Variants in SCFD1 observed in about 807,000 individuals in gnomAD.
The protein encoded by SCFD1 is sec1 family domain-containing protein 1.
In SCFD1, 37 loss-of-function variants were observed where a neutral mutation model predicts 103.2. The observed-to-expected ratio is 0.36, with a 90% CI of 0.28 to 0.47. SCFD1 has a LOEUF of 0.47. Among genes scored for constraint, SCFD1 ranks in the 20% least tolerant of loss-of-function variants. The pLI, the probability that SCFD1 is intolerant of heterozygous loss-of-function variation, is 1.00. For synonymous variants in SCFD1, 264 were observed against 245.0 expected, an observed-to-expected ratio of 1.08 and a Z score of -0.73; for missense variants, 639 against 761.2, an observed-to-expected ratio of 0.84 and a Z score of 1.89.
intron 10 of SCFD1, among the ~76,000 whole-genome samples, chr14:30,661,382 G>A (rs929109206): frequency 2.6e-5 from 4 of 152,128 alleles, no homozygotes; most frequent in Non-Finnish European, 5.9e-5. Context: ...CACCATGACT[G>A]GGAGTTTTGT....
At chr14:30,692,223 C>T (rs1890365862) in intron 14 of SCFD1, among the ~76,000 whole-genome samples, 1 of 152,116 alleles carries the variant, frequency 6.6e-6, no homozygotes, top group Non-Finnish European at 1.5e-5. Flanking sequence ...TTTCGAAATT[C>T]AGCAAATGCA....
intron 20 of SCFD1, 81 bp from the exon 21 acceptor site, chr14:30,719,244 T>C: frequency 3.6e-6 from 3 of 838,664 alleles, no homozygotes; most frequent in Non-Finnish European, 5.9e-6. Flanking sequence ...GATAGATTCA[T>C]TAAAATAGGA....
intron 23 of SCFD1, among the ~76,000 whole-genome samples, chr14:30,725,956 T>C (rs1424085866): frequency 6.6e-6 from 1 of 152,154 alleles, no homozygotes; most frequent in African/African-American, 2.4e-5. Context: ...TCATCACTAG[T>C]TAGAACATTT....
chr14:30,718,715 A>T lies in SCFD1; in HGVS notation c.1684-610A>T, dbSNP rs1035222647. On this transcript the variant is annotated intron_variant, in intron 20 of 24. Transcript: ENST00000458591. ...ATGTTTTCCTTTCATTTCTTAATTG[A>T]ATAAATTAAAACTAAGGCAGGATAT... 3.0e-4 allele frequency among the ~76,000 whole-genome samples: 45 copies of T among 152,320 alleles called. 1 individual carries two copies. Among genetic ancestry groups the T allele is most frequent in the African/African-American group, 1.1e-3 (45 of 41,590 alleles).
intron 3 of SCFD1, among the ~76,000 whole-genome samples, chr14:30,632,247 T>C (rs1884250205): frequency 6.6e-6 from 1 of 152,106 alleles, no homozygotes; most frequent in East Asian, 1.9e-4. Context: ...AATATAGTTT[T>C]AGATTTTCGA....
chr14:30,725,979 G>T (rs1386821632), intron 23 of SCFD1, among the ~76,000 whole-genome samples: 2 of 152,108 alleles, frequency 1.3e-5, no homozygotes, highest in African/African-American at 4.8e-5. Flanking sequence ...TTCAGGTTTG[G>T]CCAACAGTTA....
intron 1 of SCFD1, among the ~76,000 whole-genome samples, chr14:30,624,363 T>A (rs557431471): frequency 2.0e-5 from 3 of 152,336 alleles, no homozygotes; most frequent in African/African-American, 7.2e-5. Flanking sequence ...TATCTGTATG[T>A]TGATGATTCC....
chr14:30,692,572 A>G (rs758227074), intron 14 of SCFD1, among the ~76,000 whole-genome samples: 2 of 152,202 alleles, frequency 1.3e-5, no homozygotes, highest in Admixed American at 6.5e-5. Context: ...AAGCTGAGAG[A>G]ATAACTTGAG....
chr14:30,638,246 A>G lies in SCFD1; in HGVS notation c.434A>G (p.Lys145Arg), dbSNP rs776943925. The G allele has an allele frequency of 1.2e-6, 2 of 1,613,188 alleles. No homozygotes were observed. Among genetic ancestry groups the G allele is most frequent in the Non-Finnish European group, 1.7e-6 (2 of 1,179,442 alleles). Reference protein sequence around the residue: ...LAASAVTQVAKVFDQYLNFIT... With the variant: ...LAASAVTQVARVFDQYLNFIT... ...GCTAGTGCAGTAACACAAGTAGCCA[A>G]GGTAAGAGAGTTTGGTGGGTTGATG... is the stretch of plus-strand genomic sequence containing the variant. The change falls in exon 5 of 25, where the codon AAG becomes AGG. Residue 145 changes from lysine (K) to arginine (R), a missense_variant and splice_region_variant. Transcript: ENST00000458591.
chr14:30,709,983 T>C (rs1159804030), intron 19 of SCFD1, among the ~76,000 whole-genome samples: 3 of 152,228 alleles, frequency 2.0e-5, no homozygotes, highest in African/African-American at 7.2e-5. Flanking sequence ...TAACTCATAA[T>C]ATTTAGAAAT....
intron 10 of SCFD1, among the ~76,000 whole-genome samples, chr14:30,665,251 G>C (rs1887837161): frequency 6.6e-6 from 1 of 152,180 alleles, no homozygotes; most frequent in Non-Finnish European, 1.5e-5. Context: ...CATTCTTAAA[G>C]AAAAGAATTT....
intron 6 of SCFD1, among the ~76,000 whole-genome samples, chr14:30,641,283 T>C (rs899470164): frequency 1.3e-5 from 2 of 152,200 alleles, no homozygotes; most frequent in African/African-American, 2.4e-5. Flanking sequence ...AAACTTTCCA[T>C]GGATTGGGAG....
chr14:30,735,724 CAG>C lies in SCFD1; in HGVS notation c.*118_*119del. On this transcript the variant is annotated 3_prime_UTR_variant, in exon 25 of 25. Transcript: ENST00000458591. The stretch of plus-strand genomic sequence containing the variant: ...GTAACAGTGTCCTAACAGTGAAAAT[CAG>C]AGTTATTTGTTAATTTTTAAGGAAA... 8.6e-6 allele frequency: 6 copies of C among 697,434 alleles called. No homozygotes were observed. Among genetic ancestry groups the C allele is most frequent in the South Asian group, 2.1e-5 (1 of 48,038 alleles). 43.2% of individuals were successfully genotyped at this position (697,434 alleles called of 1,614,324 possible).
intron 19 of SCFD1, among the ~76,000 whole-genome samples, chr14:30,713,393 G>GA (rs1892034344): frequency 7.2e-6 from 1 of 138,440 alleles, no homozygotes; most frequent in Non-Finnish European, 1.5e-5. Context: ...AGTTGTCTCT[G>GA]AAAAACCAGA....
chr14:30,719,489 G>T (rs73254565), intron 21 of SCFD1, 112 bp downstream of exon 21: 2 of 710,778 alleles, frequency 2.8e-6, no homozygotes, highest in Non-Finnish European at 4.8e-6. Flanking sequence ...TGGAAAACTC[G>T]TAAGGAAACA....
At position 30,694,269 on chromosome 14, in the gene SCFD1, G is replaced by T. The variant is rs756568468; in HGVS notation, c.1243-504G>T. 3.9e-5 allele frequency among the ~76,000 whole-genome samples: 6 copies of T among 152,164 alleles called. No individual in the cohort carries two copies. The East Asian group carries it at 1.2e-3, about 29-fold the overall frequency. ...TTTTTATCTTTGCTAATATATGTAC[G>T]TTATGCAGAATTACTGCTGAATTTA... On this transcript the variant is annotated intron_variant, in intron 14 of 24. Transcript: ENST00000458591.
chr14:30,713,976 CCA>C (rs1420903487), intron 19 of SCFD1, among the ~76,000 whole-genome samples: 7 of 151,948 alleles, frequency 4.6e-5, no homozygotes, highest in African/African-American at 1.7e-4. Context: ...AAATCTGCAC[CCA>C]GTTACTCTTT....
intron 3 of SCFD1, among the ~76,000 whole-genome samples, chr14:30,633,045 T>C (rs1030852670): frequency 2.0e-5 from 3 of 152,172 alleles, no homozygotes. Context: ...TGCAAGCTGG[T>C]TTAGGCTAAT....
At chr14:30,658,693 A>G (rs1887148486) in intron 10 of SCFD1, among the ~76,000 whole-genome samples, 1 of 152,180 alleles carries the variant, frequency 6.6e-6, no homozygotes, top group African/African-American at 2.4e-5. Context: ...GCACCTAGCT[A>G]AGATTATAGC....
Sources: allele counts gnomAD v4.1 joint callset (sites outside exome capture counted in the v4.1 genomes callset), GRCh38; gene constraint gnomAD v4.1.1; transcripts MANE v1.5; gene names NCBI Gene and HGNC (gene_info 2026-07-23, HGNC 2026-07-21).